Variants in TMEM132C observed in about 807,000 individuals in gnomAD.
TMEM132C encodes transmembrane protein 132C, also known as protein phosphatase 1, regulatory subunit 152.
In TMEM132C, 29 loss-of-function variants were observed where a neutral mutation model predicts 61.4. The ratio of observed to expected loss-of-function variants is 0.47; its 90% confidence interval spans 0.35 to 0.64. TMEM132C has a LOEUF of 0.64. TMEM132C is among the 30% of genes least tolerant of loss of function. TMEM132C has a pLI of 0.00. For missense variants in TMEM132C, 1,408 were observed against 1,476.9 expected (o/e 0.95, Z 0.76); for synonymous variants, 656 against 633.1 (o/e 1.04, Z -0.54).
At chr12:128,668,421 A>G (rs1463379540) in intron 4 of TMEM132C, among the ~76,000 whole-genome samples, 2 of 152,238 alleles carry the variant, frequency 1.3e-5, no homozygotes, top group African/African-American at 4.8e-5. Context: ...TTTCCCTTAT[A>G]TATAAAGTAA....
At chr12:128,428,868 G>T (rs1031698163) in intron 2 of TMEM132C, among the ~76,000 whole-genome samples, 5 of 152,190 alleles carry the variant, frequency 3.3e-5, no homozygotes, top group Non-Finnish European at 7.3e-5. Context: ...CAGGGTTATT[G>T]TGAGACTTCA....
intron 1 of TMEM132C, among the ~76,000 whole-genome samples, chr12:128,279,013 A>G (rs1870792326): frequency 1.3e-5 from 2 of 152,130 alleles, no homozygotes; most frequent in South Asian, 4.1e-4. Context: ...TGGACTTGCC[A>G]GACTCCATAA....
chr12:128,594,430 T>C (rs919110264), intron 3 of TMEM132C, among the ~76,000 whole-genome samples: 6 of 148,578 alleles, frequency 4.0e-5, no homozygotes, highest in African/African-American at 1.5e-4. Flanking sequence ...GTGGCTGCTG[T>C]GCCCCCCATT....
chr12:128,293,518 C>T (rs1871314224), intron 1 of TMEM132C, among the ~76,000 whole-genome samples: 4 of 152,186 alleles, frequency 2.6e-5, no homozygotes. Flanking sequence ...GGTGTCCAGA[C>T]AGGATGAATC....
Position 128,706,290 on chromosome 12 carries a change from G to T in TMEM132C, c.3322G>T (p.Ala1108Ser), listed in dbSNP as rs552082101. ...CTATCTGGAGAAACTCAAAGATAAGGCTTAGGCCCCTCTAGCCAAAGGGCC... is the reference window on the plus strand; with the variant it reads ...CTATCTGGAGAAACTCAAAGATAAGTCTTAGGCCCCTCTAGCCAAAGGGCC... Reference protein sequence around the residue: ...RNYLEKLKDKA With the variant: ...RNYLEKLKDKS Residue 1108 changes from alanine (A) to serine (S), a missense_variant, in exon 9 of 9, where the codon GCT (alanine) becomes TCT (serine). Transcript: ENST00000435159. 1.3e-6 allele frequency: 2 copies of T among 1,527,454 alleles called. No individual in the cohort carries two copies. Among genetic ancestry groups the T allele is most frequent in the Admixed American group, 4.1e-5 (2 of 48,234 alleles). The allele number at this position is 1,527,454 out of a possible 1,614,324, so 94.6% of individuals were successfully genotyped here.
chr12:128,590,162 G>A (rs138080189), intron 3 of TMEM132C, among the ~76,000 whole-genome samples: 4 of 152,352 alleles, frequency 2.6e-5, no homozygotes, highest in South Asian at 2.1e-4. Context: ...TGAAGCACAC[G>A]TGTACCCGTT....
intron 2 of TMEM132C, among the ~76,000 whole-genome samples, chr12:128,494,019 G>A (rs1420829769): frequency 2.6e-5 from 4 of 152,082 alleles, no homozygotes; most frequent in African/African-American, 4.8e-5. Flanking sequence ...TTTGAGATAC[G>A]TCGCATCAAT....
chr12:128,331,035 A>G (rs993597546), intron 1 of TMEM132C, among the ~76,000 whole-genome samples: 1 of 152,194 alleles, frequency 6.6e-6, no homozygotes, highest in Non-Finnish European at 1.5e-5. Context: ...AAAGAAAGCA[A>G]ACATCACTGA....
intron 4 of TMEM132C, among the ~76,000 whole-genome samples, chr12:128,632,785 C>G (rs1451632331): frequency 6.6e-6 from 1 of 152,206 alleles, no homozygotes; most frequent in Admixed American, 6.5e-5. Context: ...AAAGGCTTCT[C>G]CTGACCTCAA....
At chr12:128,589,078 T>C (rs1875653665) in intron 3 of TMEM132C, among the ~76,000 whole-genome samples, 1 of 152,054 alleles carries the variant, frequency 6.6e-6, no homozygotes, top group Non-Finnish European at 1.5e-5. Context: ...CAGCCCAGAT[T>C]GCAGGGTGTG....
chr12:128,453,990 G>A (rs933251095), intron 2 of TMEM132C, among the ~76,000 whole-genome samples: 1 of 152,172 alleles, frequency 6.6e-6, no homozygotes, highest in African/African-American at 2.4e-5. Flanking sequence ...TACAGAAGGA[G>A]GCAAAAGACC....
chr12:128,340,339 CTTCT>C (rs958858173), intron 1 of TMEM132C, among the ~76,000 whole-genome samples: 9 of 152,064 alleles, frequency 5.9e-5, no homozygotes, highest in Non-Finnish European at 2.9e-5. Flanking sequence ...TCTATCGGTG[CTTCT>C]TTCTTCTGAG....
intron 2 of TMEM132C, among the ~76,000 whole-genome samples, chr12:128,528,719 A>G (rs1025823410): frequency 2.6e-5 from 4 of 152,272 alleles, no homozygotes; most frequent in African/African-American, 9.6e-5. Context: ...TACTCATGAT[A>G]ACCAAAAATG....
intron 2 of TMEM132C, among the ~76,000 whole-genome samples, chr12:128,517,432 C>T (rs1872757704): frequency 6.6e-6 from 1 of 152,044 alleles, no homozygotes. Flanking sequence ...GAGACACCAT[C>T]TCAACAACAA....
chr12:128,435,282 T>G (rs1412833584), intron 2 of TMEM132C, among the ~76,000 whole-genome samples: 2 of 152,232 alleles, frequency 1.3e-5, no homozygotes, highest in Non-Finnish European at 2.9e-5. Context: ...GTGCACCAGG[T>G]GCTGCTGCTG....
chr12:128,414,603 A>T (rs779896030), intron 1 of TMEM132C, 129 bp from the exon 2 acceptor site: 69 of 1,019,402 alleles, frequency 6.8e-5, no homozygotes, highest in Non-Finnish European at 9.0e-5. Context: ...GAATATAAAA[A>T]TTCTAGCCAA....
intron 2 of TMEM132C, among the ~76,000 whole-genome samples, chr12:128,530,579 G>C (rs1873256695): frequency 1.3e-5 from 2 of 152,112 alleles, no homozygotes; most frequent in South Asian, 4.1e-4. Flanking sequence ...GAGTAGCTGG[G>C]ATTACAAGCA....
chr12:128,290,867 T>G (rs189183634), intron 1 of TMEM132C, among the ~76,000 whole-genome samples: 1,707 of 148,768 alleles, frequency 0.011, 27 homozygotes, highest in African/African-American at 0.04. Flanking sequence ...AAAAAAGAAA[T>G]AAGTGATTTC....
intron 4 of TMEM132C, among the ~76,000 whole-genome samples, chr12:128,640,654 G>A (rs987462775): frequency 6.6e-6 from 1 of 152,212 alleles, no homozygotes; most frequent in African/African-American, 2.4e-5. Flanking sequence ...CCAACACTTT[G>A]GGAGGCGGAG....
Sources: allele counts gnomAD v4.1 joint callset (sites outside exome capture counted in the v4.1 genomes callset), GRCh38; gene constraint gnomAD v4.1.1; transcripts MANE v1.5; gene names NCBI Gene and HGNC (gene_info 2026-07-23, HGNC 2026-07-21).